SLC24A3: variants seen among roughly 807,000 people sequenced by gnomAD.
SLC24A3 encodes the protein sodium/potassium/calcium exchanger 3.
In SLC24A3, 28 loss-of-function variants were observed where a neutral mutation model predicts 75.8. That is an observed-to-expected ratio of 0.37 (90% CI 0.27 to 0.51). SLC24A3 has a LOEUF of 0.51. SLC24A3 is among the 20% of genes least tolerant of loss of function. The probability of loss-of-function intolerance (pLI) is 0.94; values close to 1 mark genes in which losing one functional copy is unlikely to be tolerated. For missense variants in SLC24A3, 663 were observed against 847.8 expected, an observed-to-expected ratio of 0.78 and a Z score of 2.71; for synonymous variants, 372 against 334.1, an observed-to-expected ratio of 1.11 and a Z score of -1.24.
intron 3 of SLC24A3, among the ~76,000 whole-genome samples, chr20:19,548,469 G>A (rs750221994): frequency 6.6e-6 from 1 of 152,170 alleles, no homozygotes; most frequent in Non-Finnish European, 1.5e-5. Flanking sequence ...TAAACCCTAT[G>A]TTAGTTTTCT....
Position 19,666,101 on chromosome 20 carries a change from G to A in SLC24A3, c.713+212G>A, listed in dbSNP as rs554236592. 2.6e-5 allele frequency among the ~76,000 whole-genome samples: 4 copies of A among 152,128 alleles called. No homozygotes were observed. In the East Asian group the frequency reaches 7.7e-4, roughly 29 times the overall value. Reference sequence around the variant, plus strand: ...CTTTCCTCTTGGGCTAGAGTGGTGGGGTTCTATTTGAGATCCTAATATCTA... The same window carrying A: ...CTTTCCTCTTGGGCTAGAGTGGTGGAGTTCTATTTGAGATCCTAATATCTA... On this transcript the variant is annotated intron_variant, in intron 8 of 16. Transcript: ENST00000328041.
intron 6 of SLC24A3, among the ~76,000 whole-genome samples, chr20:19,597,438 C>A (rs550368441): frequency 2.6e-5 from 4 of 152,024 alleles, no homozygotes; most frequent in African/African-American, 7.3e-5. Context: ...TTAGAAAACA[C>A]GTATGGGATA....
At chr20:19,590,198 C>T (rs2031354744) in intron 6 of SLC24A3, among the ~76,000 whole-genome samples, 2 of 151,868 alleles carry the variant, frequency 1.3e-5, no homozygotes, top group South Asian at 4.2e-4. Flanking sequence ...TTTTACTTAG[C>T]ACAAACAATG....
In SLC24A3 at chr20:19,414,655, C is replaced by A. The variant is rs186530676; in HGVS notation, c.272-100833C>A. ...CTCAGGACAATGCAATTACAAGGAA[C>A]TATTATTTTCTTTTTAAACATTTTT... On this transcript the variant is annotated intron_variant, in intron 2 of 16. Transcript: ENST00000328041. 1.1e-3 allele frequency among the ~76,000 whole-genome samples: 165 copies of A among 152,266 alleles called. 1 individual carries two copies. Among genetic ancestry groups the A allele is most frequent in the African/African-American group, 3.8e-3 (159 of 41,540 alleles).
At chr20:19,633,648 CA>C (rs61251598) in intron 6 of SLC24A3, among the ~76,000 whole-genome samples, 7,627 of 84,942 alleles carry the variant, frequency 0.09, 153 homozygotes, top group Admixed American at 0.14. Context: ...GACTCCGTCT[CA>C]AAAAAAAAAA....
At chr20:19,679,413 G>A (rs2032580554) in intron 9 of SLC24A3, among the ~76,000 whole-genome samples, 1 of 152,232 alleles carries the variant, frequency 6.6e-6, no homozygotes, top group Non-Finnish European at 1.5e-5. Flanking sequence ...TGAGGCAGGA[G>A]AATCAGGCAG....
At chr20:19,716,066 G>A (rs1431053492) in intron 15 of SLC24A3, among the ~76,000 whole-genome samples, 3 of 152,200 alleles carry the variant, frequency 2.0e-5, no homozygotes, top group African/African-American at 7.2e-5. Flanking sequence ...ATCACCTGGA[G>A]TTAAAGCACA....
chr20:19,426,555 A>T (rs1174741205), intron 2 of SLC24A3, among the ~76,000 whole-genome samples: 1 of 152,224 alleles, frequency 6.6e-6, no homozygotes, highest in African/African-American at 2.4e-5. Context: ...AGGCACTTGG[A>T]TTGTTTCCAA....
intron 9 of SLC24A3, among the ~76,000 whole-genome samples, chr20:19,680,938 G>A (rs1223390534): frequency 2.0e-5 from 3 of 152,214 alleles, no homozygotes; most frequent in East Asian, 1.9e-4. Context: ...ATGGGAGGCC[G>A]GAGGTCAAAC....
intron 2 of SLC24A3, among the ~76,000 whole-genome samples, chr20:19,383,600 A>G (rs1258949639): frequency 6.6e-6 from 1 of 152,098 alleles, no homozygotes. Context: ...TCAGCCTCTT[A>G]ATTGCCATGG....
At chr20:19,254,720 G>A (rs1982761289) in intron 1 of SLC24A3, among the ~76,000 whole-genome samples, 1 of 152,182 alleles carries the variant, frequency 6.6e-6, no homozygotes, top group East Asian at 1.9e-4. Context: ...AGGACACACA[G>A]CATGGGCTGG....
chr20:19,234,856 G>A (rs1339201165), intron 1 of SLC24A3, among the ~76,000 whole-genome samples: 1 of 152,192 alleles, frequency 6.6e-6, no homozygotes, highest in Admixed American at 6.5e-5. Context: ...CAGCCCTGTG[G>A]TCACACACAC....
intron 1 of SLC24A3, among the ~76,000 whole-genome samples, chr20:19,253,649 C>A (rs1430879335): frequency 6.6e-6 from 1 of 152,230 alleles, no homozygotes; most frequent in Non-Finnish European, 1.5e-5. Flanking sequence ...CTGTTACCCC[C>A]ATCCTCACAG....
intron 1 of SLC24A3, among the ~76,000 whole-genome samples, chr20:19,220,716 C>A (rs1413904588): frequency 6.6e-6 from 1 of 152,158 alleles, no homozygotes; most frequent in Admixed American, 6.5e-5. Flanking sequence ...GCTTCTCAGT[C>A]TTGTCTGCAC....
chr20:19,431,496 C>T (rs1442268588), intron 2 of SLC24A3, among the ~76,000 whole-genome samples: 1 of 152,074 alleles, frequency 6.6e-6, no homozygotes. Context: ...GCAGCCGCTC[C>T]ATGGGGCCGT....
chr20:19,498,564 A>G (rs904823128), intron 2 of SLC24A3, among the ~76,000 whole-genome samples: 41 of 152,034 alleles, frequency 2.7e-4, no homozygotes, highest in African/African-American at 9.9e-4. Flanking sequence ...GCTCATGCTG[A>G]CACCTTCCTT....
At chr20:19,719,789 A>G (rs1420364143) in intron 16 of SLC24A3, among the ~76,000 whole-genome samples, 2 of 152,206 alleles carry the variant, frequency 1.3e-5, no homozygotes, top group African/African-American at 4.8e-5. Flanking sequence ...CTGAAGGGCT[A>G]TGGCTTAGCC....
intron 2 of SLC24A3, among the ~76,000 whole-genome samples, chr20:19,364,806 G>T (rs911114094): frequency 6.6e-6 from 1 of 152,146 alleles, no homozygotes; most frequent in East Asian, 1.9e-4. Context: ...CCAGGGCTGG[G>T]TTGGGAAACC....
rs896661373 is a variant in SLC24A3 at position 19,695,692 on chromosome 20, G to A, written c.1492-1105G>A. On this transcript the variant is annotated intron_variant, in intron 13 of 16. Transcript: ENST00000328041. Reference sequence around the variant, plus strand: ...CATTCCGTGCTGAATTTAAACTGAGGTGGCCTCTGGCCTTCCTGTTTTTCA... The same window carrying A: ...CATTCCGTGCTGAATTTAAACTGAGATGGCCTCTGGCCTTCCTGTTTTTCA... 3 of 152,106 alleles carry A rather than the reference G, an allele frequency of 2.0e-5. No homozygotes were observed. In the East Asian group the frequency reaches 5.8e-4, roughly 29 times the overall value. 9.4% of individuals were successfully genotyped at this position (152,106 alleles called of 1,614,324 possible). A position where few individuals can be genotyped will look rare whatever the true frequency, so the allele number is the denominator to read the frequency against.
Sources: gnomAD v4.1 joint callset for allele counts (sites outside exome capture counted in the v4.1 genomes callset) on GRCh38, gnomAD v4.1.1 for gene constraint, MANE v1.5 for transcripts, NCBI Gene and HGNC (gene_info 2026-07-23, HGNC 2026-07-21) for gene names.